The following UNC13A variants were observed in gnomAD, a reference collection of about 807,000 sequenced individuals.
UNC13A encodes the protein unc-13 homolog A, also known as protein unc-13 homolog A.
UNC13A carries 61 observed loss-of-function variants against 219.7 expected under a neutral mutation model. The observed-to-expected ratio is 0.28, with a 90% confidence interval of 0.23 to 0.34. The LOEUF is 0.34. Among genes scored for constraint, UNC13A ranks in the 10% least tolerant of loss-of-function variants. The pLI is 1.00. For synonymous variants in UNC13A, 920 were observed against 884.6 expected (o/e 1.04, Z -0.71); for missense variants, 1,476 against 2,270.3 (o/e 0.65, Z 7.11).
chr19:17,637,269 C>T (rs1050926474), intron 25 of UNC13A, among the ~76,000 whole-genome samples: 3 of 151,708 alleles, frequency 2.0e-5, no homozygotes, highest in Admixed American at 6.6e-5. Flanking sequence ...GCCACTGAGC[C>T]CAGCCTGGCT....
intron 41 of UNC13A, among the ~76,000 whole-genome samples, chr19:17,613,226 TGTCTCAAAAAAAAAAGAGA>T (rs2076623251): frequency 6.6e-6 from 1 of 151,374 alleles, no homozygotes; most frequent in African/African-American, 2.4e-5. Context: ...AGAGAGACCC[TGTCTCAAAAAAAAAAGAGA>T]GAGAAAAGAA....
chr19:17,684,574 C>T (rs2080075332), intron 1 of UNC13A, among the ~76,000 whole-genome samples: 1 of 152,236 alleles, frequency 6.6e-6, no homozygotes, highest in South Asian at 2.1e-4. Context: ...TGTTGGGAAG[C>T]AGCGGGGCAC....
At chr19:17,669,422 G>T in intron 5 of UNC13A, 131 bp downstream of exon 5, 1 of 1,302,948 alleles carries the variant, frequency 7.7e-7, no homozygotes, top group Non-Finnish European at 1.0e-6. Context: ...TCTCCTCCGG[G>T]GCGAAGGACC....
chr19:17,667,629 A>G (rs1292349073), intron 6 of UNC13A, among the ~76,000 whole-genome samples: 1 of 151,902 alleles, frequency 6.6e-6, no homozygotes, highest in Non-Finnish European at 1.5e-5. Flanking sequence ...GCCCGCCACC[A>G]TGCCTAGCTA....
In UNC13A at chr19:17,639,236, G is replaced by A; in HGVS notation, c.2947-19C>T. 1 of 1,613,442 alleles carries A rather than the reference G, an allele frequency of 6.2e-7. No individual in the cohort carries two copies. The highest frequency in any genetic ancestry group is 8.5e-7 in the Non-Finnish European group (1 of 1,179,688). ...CTTGTACCTGAAGGGAGGGAGAGAG[G>A]CATAGGCGGCCACAGCTGTGACAGG... On this transcript the variant is annotated intron_variant, in intron 24 of 43. Coordinates refer to ENST00000519716, the MANE Select transcript of UNC13A (RefSeq NM_001080421.3).
chr19:17,667,068 C>T (rs919696642), intron 6 of UNC13A, among the ~76,000 whole-genome samples: 6 of 151,966 alleles, frequency 3.9e-5, no homozygotes, highest in Admixed American at 1.3e-4. Flanking sequence ...CCTAGCTAAA[C>T]GGTGAAACCC....
intron 5 of UNC13A, among the ~76,000 whole-genome samples, chr19:17,668,509 C>T (rs2079708866): frequency 6.6e-6 from 1 of 152,124 alleles, no homozygotes; most frequent in Non-Finnish European, 1.5e-5. Flanking sequence ...TTTTTTGAGA[C>T]GGAGTCTCAC....
chr19:17,666,540 C>T, intron 7 of UNC13A, 110 bp downstream of exon 7: 6 of 821,854 alleles, frequency 7.3e-6, no homozygotes, highest in Non-Finnish European at 1.0e-5. Flanking sequence ...ACACTGCACT[C>T]TCAGGACTTG....
intron 21 of UNC13A, among the ~76,000 whole-genome samples, chr19:17,641,004 G>C (rs776464757): frequency 2.0e-5 from 3 of 150,148 alleles, no homozygotes; most frequent in South Asian, 4.2e-4. Context: ...CTAACTTCCC[G>C]AGTAGCTGGG....
chr19:17,650,092 T>G (rs942962370), intron 12 of UNC13A, among the ~76,000 whole-genome samples: 3 of 152,172 alleles, frequency 2.0e-5, no homozygotes, highest in African/African-American at 7.2e-5. Context: ...TGTGGTACTT[T>G]GTGACAGCAG....
Position 17,669,574 on chromosome 19 carries a change from T to C in UNC13A, c.373A>G (p.Thr125Ala). 6.2e-7 allele frequency: 1 copy of C among 1,613,744 alleles called. No individual in the cohort carries two copies. The highest frequency in any genetic ancestry group is 1.1e-5 in the South Asian group (1 of 91,076). The change falls in exon 5 of 44, where the codon ACG (threonine) becomes GCG (alanine). Residue 125 changes from threonine (T) to alanine (A), a missense_variant. Physicochemically the swap from Thr to Ala is moderately conservative, Grantham distance 58. Coordinates refer to ENST00000519716, the MANE Select transcript of UNC13A (RefSeq NM_001080421.3). ...TCACCTAAGGGTAGCTCAAAGCGCG[T>C]GTCCAGGAGGATGCGGTGGAAGGTG... ...DPTFHRILLD[T>A]RFELPLDIPE...
chr19:17,611,053 C>T (rs1438862854), intron 42 of UNC13A, among the ~76,000 whole-genome samples: 4 of 152,106 alleles, frequency 2.6e-5, no homozygotes, highest in Non-Finnish European at 5.9e-5. Flanking sequence ...CAAACAACAA[C>T]AACAACACAT....
chr19:17,684,580 G>A (rs1001356936), intron 1 of UNC13A, among the ~76,000 whole-genome samples: 13 of 152,196 alleles, frequency 8.5e-5, no homozygotes, highest in Admixed American at 5.9e-4. Context: ...GAAGCAGCGG[G>A]GCACCACATG....
Position 17,606,156 on chromosome 19 carries a change from T to C in UNC13A, c.5010A>G (p.Arg1670=), listed in dbSNP as rs944325169. ...CGTCGTTGCTGCGCTGCGAGAGGAT[T>C]CGCAGCACCGTGAGGCCCGTGTCGT... The part of the protein sequence containing the change: ...HMDDTGLTVL[R]ILSQRSNDEV... The change falls in exon 44 of 44, where the codon CGA becomes CGG. Residue 1670 remains arginine, a synonymous_variant. Transcript: ENST00000519716. 1 of 1,585,106 alleles carries C rather than the reference T, an allele frequency of 6.3e-7. No individual in the cohort carries two copies. Among genetic ancestry groups the C allele is most frequent in the Admixed American group, 1.8e-5 (1 of 56,558 alleles).
intron 7 of UNC13A, among the ~76,000 whole-genome samples, chr19:17,665,887 AG>A (rs2145890254): frequency 6.6e-6 from 1 of 152,202 alleles, no homozygotes; most frequent in African/African-American, 2.4e-5. Flanking sequence ...CCTCAGAGTG[AG>A]GGGGCTGTCA....
Position 17,674,425 on chromosome 19 carries a change from G to A in UNC13A, c.152+232C>T, listed in dbSNP as rs1272176427. 6.6e-6 allele frequency among the ~76,000 whole-genome samples: 1 copy of A among 152,170 alleles called. No homozygotes were observed. Among genetic ancestry groups the A allele is most frequent in the Non-Finnish European group, 1.5e-5 (1 of 68,026 alleles). ...TTGTAGGAGGTGGATGGCACAGGAGGCCAGGGCGGAGGCTGGCGGGCAGCA... is the reference window on the plus strand; with the variant it reads ...TTGTAGGAGGTGGATGGCACAGGAGACCAGGGCGGAGGCTGGCGGGCAGCA... On this transcript the variant is annotated intron_variant, in intron 3 of 43. Coordinates refer to ENST00000519716, the MANE Select transcript of UNC13A (RefSeq NM_001080421.3). This position sits in a 1 kb window ranked among gnomAD's most constrained non-coding sequence, Gnocchi z 5.0.
chr19:17,666,689 C>A lies in UNC13A; in HGVS notation c.484G>T (p.Glu162Ter). Residue 162 changes from glutamate (E) to a stop codon, truncating the protein, a stop_gained, in exon 7 of 44, where the codon GAG (glutamate) becomes TAG (stop). Coordinates refer to ENST00000519716, the MANE Select transcript of UNC13A (RefSeq NM_001080421.3). LOFTEE classifies it high-confidence loss of function. ...RDQDEYSFQD[E>*]QDKPLPVPSN... is the part of the protein sequence containing the mutation. The stretch of plus-strand genomic sequence containing the variant: ...GGGACAGGCAGAGGCTTGTCTTGCT[C>A]ATCTTGGAACGAATACTGAAGGGGT... The A allele has an allele frequency of 6.5e-7, 1 of 1,528,624 alleles. No homozygotes were observed. The highest frequency in any genetic ancestry group is 8.8e-7 in the Non-Finnish European group (1 of 1,136,166). 94.7% of individuals were successfully genotyped at this position (1,528,624 alleles called of 1,614,324 possible).
intron 36 of UNC13A, 46 bp downstream of exon 36, chr19:17,623,496 C>T (rs1354588764): frequency 1.3e-6 from 2 of 1,512,122 alleles, no homozygotes; most frequent in Non-Finnish European, 8.8e-7. Context: ...CGAGTCCAGA[C>T]ACAGAGAGGA....
chr19:17,652,414 G>T (rs1349055188), intron 12 of UNC13A, among the ~76,000 whole-genome samples: 1 of 152,170 alleles, frequency 6.6e-6, no homozygotes, highest in East Asian at 1.9e-4. Context: ...TTACAGGCAT[G>T]AGCCACCGCA....
Sources: gnomAD v4.1 joint callset for allele counts (sites outside exome capture counted in the v4.1 genomes callset) on GRCh38, gnomAD v4.1.1 for gene constraint, Gnocchi (gnomAD v3.1) non-coding constraint, MANE v1.5 for transcripts, NCBI Gene and HGNC (gene_info 2026-07-23, HGNC 2026-07-21) for gene names.